Variants in PALM2AKAP2 observed in about 807,000 individuals in gnomAD.
The protein encoded by PALM2AKAP2 is PALM2-AKAP2 fusion protein.
A neutral mutation model predicts 71.5 loss-of-function variants in PALM2AKAP2; 37 were observed. The observed-to-expected ratio is 0.52, with a 90% CI of 0.40 to 0.68. PALM2AKAP2 has a LOEUF of 0.68. PALM2AKAP2 is among the 30% of genes least tolerant of loss of function. The pLI, the probability that PALM2AKAP2 is intolerant of heterozygous loss-of-function variation, is 0.00. For missense variants in PALM2AKAP2, 1,224 were observed against 1,191.8 expected (o/e 1.03, Z -0.40); for synonymous variants, 468 against 478.8 (o/e 0.98, Z 0.29).
intron 1 of PALM2AKAP2, among the ~76,000 whole-genome samples, chr9:109,833,021 T>C (rs1828350074): frequency 6.6e-6 from 1 of 152,202 alleles, no homozygotes; most frequent in African/African-American, 2.4e-5. Flanking sequence ...GTTGCCCAGC[T>C]AGTCCATCCC....
chr9:109,814,184 A>T (rs1222677387), intron 1 of PALM2AKAP2, among the ~76,000 whole-genome samples: 1 of 152,234 alleles, frequency 6.6e-6, no homozygotes, highest in African/African-American at 2.4e-5. Flanking sequence ...AGCAAATGCC[A>T]CACAAAAGAA....
At chr9:109,828,410 C>T (rs556055634) in intron 1 of PALM2AKAP2, among the ~76,000 whole-genome samples, 1 of 152,314 alleles carries the variant, frequency 6.6e-6, no homozygotes, top group East Asian at 1.9e-4. Context: ...AGGACTAATC[C>T]ATGCATGAAG....
intron 1 of PALM2AKAP2, among the ~76,000 whole-genome samples, chr9:110,061,074 C>T (rs1269235353): frequency 4.6e-5 from 7 of 152,188 alleles, no homozygotes; most frequent in Non-Finnish European, 7.4e-5. Context: ...TACCTTGTCA[C>T]GTCTCATGAA....
At chr9:110,073,704 G>A (rs368023497) in intron 1 of PALM2AKAP2, among the ~76,000 whole-genome samples, 2 of 152,264 alleles carry the variant, frequency 1.3e-5, no homozygotes, top group East Asian at 3.9e-4. Context: ...AAACTGCAGT[G>A]TCTACATTAT....
At chr9:109,790,585 A>G (rs971167886) in intron 1 of PALM2AKAP2, among the ~76,000 whole-genome samples, 1 of 152,180 alleles carries the variant, frequency 6.6e-6, no homozygotes, top group Admixed American at 6.5e-5. Flanking sequence ...CAACTGTGAT[A>G]GTGTGTGTGT....
chr9:109,925,814 A>G (rs1265281457), intron 5 of PALM2AKAP2, among the ~76,000 whole-genome samples: 2 of 152,140 alleles, frequency 1.3e-5, no homozygotes, highest in African/African-American at 2.4e-5. Flanking sequence ...CTGCAAACCC[A>G]TGATTCCTAC....
At chr9:109,840,917 G>A (rs1055245022) in intron 1 of PALM2AKAP2, among the ~76,000 whole-genome samples, 4 of 152,234 alleles carry the variant, frequency 2.6e-5, no homozygotes, top group African/African-American at 9.6e-5. Flanking sequence ...TACACTGTTG[G>A]TGGGATGTAA....
chr9:109,898,673 G>A (rs1235799341), intron 3 of PALM2AKAP2, among the ~76,000 whole-genome samples: 1 of 152,112 alleles, frequency 6.6e-6, no homozygotes, highest in Non-Finnish European at 1.5e-5. Context: ...ACTGACTTTG[G>A]AACAGCCATT....
At chr9:109,736,460 A>G (rs1828636809) in intron 1 of PALM2AKAP2, among the ~76,000 whole-genome samples, 1 of 152,218 alleles carries the variant, frequency 6.6e-6, no homozygotes, top group Non-Finnish European at 1.5e-5. Flanking sequence ...TGGCCAAACA[A>G]TAGTCTAAGC....
At position 109,809,740 on chromosome 9, in the gene PALM2AKAP2, C is replaced by T. The variant is rs1827677950; in HGVS notation, c.45+29207C>T. Among the ~76,000 whole-genome samples, 3 of 152,222 alleles carry T rather than the reference C, an allele frequency of 2.0e-5. No individual in the cohort carries two copies. The East Asian group carries it at 5.8e-4, about 29-fold the overall frequency. On this transcript the variant is annotated intron_variant, in intron 1 of 9. Transcript: ENST00000302798. ...TTTGGCTGTGTCCCCACCTAAATCTCATCTTGAATTGTAGTTCCCATAATC... is the reference window on the plus strand; with the variant it reads ...TTTGGCTGTGTCCCCACCTAAATCTTATCTTGAATTGTAGTTCCCATAATC...
intron 6 of PALM2AKAP2, among the ~76,000 whole-genome samples, chr9:109,967,181 C>T (rs184124004): frequency 1.3e-5 from 2 of 152,222 alleles, no homozygotes; most frequent in East Asian, 3.9e-4. Context: ...GCTGTTGGGA[C>T]CTCAGCTGGG....
intron 1 of PALM2AKAP2, among the ~76,000 whole-genome samples, chr9:109,809,497 G>C (rs78549033): frequency 0.011 from 1,664 of 152,318 alleles, 31 homozygotes; most frequent in African/African-American, 0.038. Flanking sequence ...CCTAATGCCT[G>C]TACCCCCATT....
At chr9:109,938,961 A>G (rs150092205) in intron 6 of PALM2AKAP2, among the ~76,000 whole-genome samples, 14,577 of 152,140 alleles carry the variant, frequency 0.096, 852 homozygotes, top group East Asian at 0.17. Context: ...CCCGGGAGGC[A>G]GAGGTTGCAG....
At chr9:110,025,080 C>G in intron 7 of PALM2AKAP2, 1 of 1,094,380 alleles carries the variant, frequency 9.1e-7, no homozygotes, top group South Asian at 1.2e-5. Context: ...GCTTAATGTG[C>G]TCAATATGCA....
At chr9:109,771,227 C>G (rs1226960831) in intron 1 of PALM2AKAP2, among the ~76,000 whole-genome samples, 1 of 152,194 alleles carries the variant, frequency 6.6e-6, no homozygotes, top group Non-Finnish European at 1.5e-5. Context: ...GGGATAACCC[C>G]TTTTCCTTCC....
At chr9:109,780,849 G>A (rs1480341534) in intron 1 of PALM2AKAP2, among the ~76,000 whole-genome samples, 1 of 152,174 alleles carries the variant, frequency 6.6e-6, no homozygotes, top group African/African-American at 2.4e-5. Flanking sequence ...ATGACCGAAT[G>A]CTCAGGCATA....
chr9:109,756,294 A>G (rs1342722369), intron 1 of PALM2AKAP2, among the ~76,000 whole-genome samples: 1 of 152,112 alleles, frequency 6.6e-6, no homozygotes, highest in Non-Finnish European at 1.5e-5. Context: ...TGAAATGAAC[A>G]TTTCTCTCGT....
intron 1 of PALM2AKAP2, among the ~76,000 whole-genome samples, chr9:109,645,796 G>A (rs1455850301): frequency 1.3e-5 from 2 of 152,026 alleles, no homozygotes; most frequent in Admixed American, 1.3e-4. Flanking sequence ...ATTACCTATT[G>A]AGTACAGTGT....
intron 6 of PALM2AKAP2, among the ~76,000 whole-genome samples, chr9:110,006,370 C>CTTTCTTTCTTTCT (rs778951404): frequency 8.6e-6 from 1 of 116,562 alleles, no homozygotes; most frequent in African/African-American, 3.3e-5. Flanking sequence ...TTCTTTCTTT[C>CTTTCTTTCTTTCT]TTCTCTCTTT....
Sources: allele counts gnomAD v4.1 joint callset (sites outside exome capture counted in the v4.1 genomes callset), GRCh38; gene constraint gnomAD v4.1.1; transcripts MANE v1.5; gene names NCBI Gene and HGNC (gene_info 2026-07-23, HGNC 2026-07-21).